The following VTI1A variants were observed in gnomAD, a reference collection of about 807,000 sequenced individuals.
The protein encoded by VTI1A is vesicle transport through interaction with t-SNAREs homolog 1A.
A neutral mutation model predicts 34.9 loss-of-function variants in VTI1A; 22 were observed. The ratio of observed to expected loss-of-function variants is 0.63; its 90% CI spans 0.45 to 0.90. The LOEUF (loss-of-function observed/expected upper bound fraction) is 0.90. VTI1A is among the 40% of genes least tolerant of loss of function. The pLI is 0.00. For missense variants in VTI1A, 268 were observed against 275.6 expected (o/e 0.97, Z 0.20); for synonymous variants, 87 against 97.3 (o/e 0.89, Z 0.62).
At chr10:112,470,131 G>A (rs900360417) in intron 3 of VTI1A, among the ~76,000 whole-genome samples, 37 of 152,162 alleles carry the variant, frequency 2.4e-4, no homozygotes, top group African/African-American at 8.9e-4. Context: ...GAACAGGAGG[G>A]TTTGTCTTGT....
intron 7 of VTI1A, among the ~76,000 whole-genome samples, chr10:112,754,684 G>T (rs1851219679): frequency 6.6e-6 from 1 of 152,168 alleles, no homozygotes; most frequent in South Asian, 2.1e-4. Context: ...AAGGACAAAG[G>T]CCACATCGTC....
At chr10:112,825,973 A>G in the VTI1A span, 1 of 152,382 alleles carries the variant, frequency 6.6e-6, no homozygotes, top group East Asian at 1.9e-4. Context: ...TTAGAATGGT[A>G]TTAACTAGCA....
chr10:112,734,103 A>G (rs1850370432), intron 7 of VTI1A, among the ~76,000 whole-genome samples: 1 of 151,974 alleles, frequency 6.6e-6, no homozygotes, highest in African/African-American at 2.4e-5. Flanking sequence ...TTCCTTCCCC[A>G]GTTTGTCTTT....
chr10:112,676,356 C>T (rs1848025631), intron 7 of VTI1A, among the ~76,000 whole-genome samples: 1 of 152,120 alleles, frequency 6.6e-6, no homozygotes, highest in African/African-American at 2.4e-5. Flanking sequence ...CCTCCAGTCT[C>T]ACACATTTCC....
chr10:112,819,992 G>T (rs1326178527), downstream of VTI1A, among the ~76,000 whole-genome samples: 1 of 152,190 alleles, frequency 6.6e-6, no homozygotes, highest in Non-Finnish European at 1.5e-5. Flanking sequence ...CACGTTCCTT[G>T]CTCAGTGTAG....
At position 112,816,453 on chromosome 10, in the gene VTI1A, T is replaced by G. The variant is rs142733444; in HGVS notation, c.*1070T>G. On this transcript the variant is annotated 3_prime_UTR_variant, in exon 8 of 8. Transcript: ENST00000393077. ...GGATGGCAGATTGTTCCAAAAGGAA[T>G]GGCTTGGGTTTTTAACTAACAAATG... 1 of 224,734 alleles carries G rather than the reference T, an allele frequency of 4.4e-6. No individual in the cohort carries two copies. Among genetic ancestry groups the G allele is most frequent in the African/African-American group, 2.2e-5 (1 of 45,030 alleles). The allele number at this position is 224,734 out of a possible 1,614,324, so 13.9% of individuals were successfully genotyped here. A position where few individuals can be genotyped will look rare whatever the true frequency, so the allele number is the denominator to read the frequency against.
intron 7 of VTI1A, among the ~76,000 whole-genome samples, chr10:112,758,193 T>C (rs906658441): frequency 3.3e-5 from 5 of 152,154 alleles, no homozygotes; most frequent in African/African-American, 1.2e-4. Context: ...GGAAAGCTCA[T>C]AGAGGAGGGG....
Position 112,748,656 on chromosome 10 carries a change from C to T in VTI1A, c.561-66634C>T, listed in dbSNP as rs975012272. Among the ~76,000 whole-genome samples the T allele has an allele frequency of 2.7e-4, 33 of 121,364 alleles. No homozygotes were observed. In the South Asian group the frequency reaches 6.0e-3, roughly 22 times the overall value. The allele number at this position is 121,364 out of a possible 152,430, so 79.6% of individuals were successfully genotyped here. A position where few individuals can be genotyped will look rare whatever the true frequency, so the allele number is the denominator to read the frequency against. On this transcript the variant is annotated intron_variant, in intron 7 of 7. Coordinates refer to ENST00000393077, the MANE Select transcript of VTI1A (RefSeq NM_145206.4). ...TTTTTTTTTTTTTGAGACGGAGTCT[C>T]GCTCTGTCGCCCAGGCTGGAGTGCA...
At chr10:112,737,099 T>A (rs1850512127) in intron 7 of VTI1A, 1 of 321,448 alleles carries the variant, frequency 3.1e-6, no homozygotes, top group East Asian at 4.8e-5. Context: ...TGAGACAGAG[T>A]CTTGCCCTGT....
chr10:112,828,997 G>A, the VTI1A span, among the ~76,000 whole-genome samples: 22 of 152,144 alleles, frequency 1.4e-4, no homozygotes, highest in African/African-American at 5.1e-4. Context: ...CAGTTCTCTG[G>A]CAATTAACTG....
At chr10:112,729,478 C>T (rs1440176845) in intron 7 of VTI1A, among the ~76,000 whole-genome samples, 1 of 152,026 alleles carries the variant, frequency 6.6e-6, no homozygotes, top group African/African-American at 2.4e-5. Context: ...ATCAACAATC[C>T]CCACAAATAG....
intron 5 of VTI1A, among the ~76,000 whole-genome samples, chr10:112,602,140 T>C (rs1844901336): frequency 6.6e-6 from 1 of 152,214 alleles, no homozygotes; most frequent in African/African-American, 2.4e-5. Context: ...ACATGAGCAA[T>C]AGAAATGTCA....
rs114400059 is a variant in VTI1A, at chr10:112,469,545, G to A, written c.264+4888G>A. 5.3e-3 allele frequency among the ~76,000 whole-genome samples: 805 copies of A among 152,284 alleles called. 6 individuals are homozygous for A. Among genetic ancestry groups the A allele is most frequent in the African/African-American group, 0.018 (757 of 41,568 alleles). ...GATAATTTACTGGCAAATCAGATTGGTCCTTTCAGAGTTTATTGTTAGACT... is the reference window on the plus strand; with the variant it reads ...GATAATTTACTGGCAAATCAGATTGATCCTTTCAGAGTTTATTGTTAGACT... On this transcript the variant is annotated intron_variant, in intron 3 of 7. Transcript: ENST00000393077.
the VTI1A span, among the ~76,000 whole-genome samples, chr10:112,852,169 A>C: frequency 6.6e-6 from 1 of 152,170 alleles, no homozygotes. Flanking sequence ...CATGGATTAA[A>C]TATGTTATAA....
intron 3 of VTI1A, among the ~76,000 whole-genome samples, chr10:112,497,624 T>C (rs1405494028): frequency 6.6e-6 from 1 of 152,222 alleles, no homozygotes; most frequent in African/African-American, 2.4e-5. Context: ...TTAACTAACT[T>C]GCTGAATTTC....
chr10:112,749,946 T>C (rs561030942), intron 7 of VTI1A, among the ~76,000 whole-genome samples: 46 of 152,340 alleles, frequency 3.0e-4, no homozygotes, highest in Non-Finnish European at 3.7e-4. Context: ...GAAACTTACA[T>C]TGAGTCAAAA....
intron 5 of VTI1A, among the ~76,000 whole-genome samples, chr10:112,594,372 G>A (rs559397943): frequency 1.3e-5 from 2 of 152,260 alleles, no homozygotes; most frequent in East Asian, 3.9e-4. Context: ...AAGTCAAATT[G>A]TCACTGTTCA....
chr10:112,531,104 CGT>C (rs1237707851), intron 4 of VTI1A, among the ~76,000 whole-genome samples: 45 of 142,464 alleles, frequency 3.2e-4, no homozygotes, highest in Admixed American at 7.5e-4. Flanking sequence ...CACACACACA[CGT>C]GCGCACGTGC....
intron 3 of VTI1A, among the ~76,000 whole-genome samples, chr10:112,475,752 G>C (rs1848255792): frequency 6.6e-6 from 1 of 152,162 alleles, no homozygotes; most frequent in Non-Finnish European, 1.5e-5. Flanking sequence ...ATAAGATTTT[G>C]AGAGATTAAT....
Sources: allele counts gnomAD v4.1 joint callset (sites outside exome capture counted in the v4.1 genomes callset), GRCh38; gene constraint gnomAD v4.1.1; transcripts MANE v1.5; gene names NCBI Gene and HGNC (gene_info 2026-07-23, HGNC 2026-07-21).